The following CHCHD3 variants were observed in gnomAD, a reference collection of about 807,000 sequenced individuals.
The protein encoded by CHCHD3 is coiled-coil-helix-coiled-coil-helix domain containing 3.
CHCHD3 carries 20 observed loss-of-function variants against 38.2 expected under a neutral mutation model. The ratio of observed to expected loss-of-function variants is 0.52; its 90% CI spans 0.37 to 0.76. The LOEUF is 0.76. CHCHD3 is among the 30% of genes least tolerant of loss of function. CHCHD3 has a pLI of 0.00. For missense variants in CHCHD3, 245 were observed against 279.2 expected, an observed-to-expected ratio of 0.88 and a Z score of 0.87; for synonymous variants, 82 against 100.0, an observed-to-expected ratio of 0.82 and a Z score of 1.07.
intron 2 of CHCHD3, among the ~76,000 whole-genome samples, chr7:133,065,133 T>C (rs1011603561): frequency 3.0e-4 from 46 of 152,062 alleles, no homozygotes; most frequent in African/African-American, 1.1e-3. Context: ...AGCAAACCAA[T>C]ATAGTTGAGA....
intron 4 of CHCHD3, among the ~76,000 whole-genome samples, chr7:132,924,790 A>G (rs1449301075): frequency 6.6e-6 from 1 of 152,166 alleles, no homozygotes; most frequent in African/African-American, 2.4e-5. Context: ...GAAACACCAA[A>G]TTTCCAGCTC....
intron 4 of CHCHD3, among the ~76,000 whole-genome samples, chr7:132,955,472 G>A (rs187743981): frequency 1.2e-4 from 18 of 151,228 alleles, no homozygotes; most frequent in East Asian, 1.2e-3. Flanking sequence ...ACTAGACTAC[G>A]ATATCCAGAT....
intron 5 of CHCHD3, among the ~76,000 whole-genome samples, chr7:132,870,333 C>A (rs4728272): frequency 1.4e-5 from 2 of 145,432 alleles, no homozygotes; most frequent in African/African-American, 2.6e-5. Context: ...CTGGGTGACA[C>A]TGCGAGACCT....
intron 3 of CHCHD3, among the ~76,000 whole-genome samples, chr7:133,007,391 T>G (rs1038028045): frequency 6.6e-6 from 1 of 152,366 alleles, no homozygotes; most frequent in East Asian, 1.9e-4. Flanking sequence ...TTAGTTAAAC[T>G]GACTTCTAAG....
intron 3 of CHCHD3, among the ~76,000 whole-genome samples, chr7:132,996,513 G>T (rs949777062): frequency 3.3e-5 from 5 of 152,210 alleles, no homozygotes; most frequent in Non-Finnish European, 5.9e-5. Context: ...AATACTGTGT[G>T]TAAGATTATA....
chr7:133,041,190 C>T (rs960593703), intron 2 of CHCHD3, among the ~76,000 whole-genome samples: 2 of 152,102 alleles, frequency 1.3e-5, no homozygotes, highest in Admixed American at 1.3e-4. Context: ...GGGAATTATA[C>T]AAGTATCCAG....
chr7:132,837,569 G>A (rs971563873), intron 6 of CHCHD3, among the ~76,000 whole-genome samples: 2 of 152,230 alleles, frequency 1.3e-5, no homozygotes, highest in Admixed American at 1.3e-4. Context: ...CACACAAATT[G>A]TACTGTAGCA....
In CHCHD3 at chr7:132,955,383, C is replaced by T. The variant is rs141334953; in HGVS notation, c.369+19786G>A. On this transcript the variant is annotated intron_variant, in intron 4 of 7. Transcript: ENST00000262570. Reference sequence around the variant, plus strand: ...CTAGCTTTCTACATCATTTGCAATGCAGGGCAAAAAGTACTTGTTAGTTTT... The same window carrying T: ...CTAGCTTTCTACATCATTTGCAATGTAGGGCAAAAAGTACTTGTTAGTTTT... Among the ~76,000 whole-genome samples the T allele has an allele frequency of 5.6e-4, 85 of 152,162 alleles. 1 individual carries two copies. In the South Asian group the frequency reaches 7.5e-3, roughly 13 times the overall value.
intron 3 of CHCHD3, among the ~76,000 whole-genome samples, chr7:132,987,246 C>T (rs565015802): frequency 2.6e-5 from 4 of 152,152 alleles, no homozygotes; most frequent in South Asian, 4.2e-4. Flanking sequence ...GAAGAGAACC[C>T]GGACAGAGAG....
At chr7:132,910,577 C>T (rs1327460135) in intron 4 of CHCHD3, among the ~76,000 whole-genome samples, 1 of 152,196 alleles carries the variant, frequency 6.6e-6, no homozygotes, top group African/African-American at 2.4e-5. Context: ...TTCTATGTGT[C>T]ATTTTCTCCA....
chr7:132,984,938 G>A, intron 3 of CHCHD3, among the ~76,000 whole-genome samples: 1 of 86,244 alleles, frequency 1.2e-5, no homozygotes, highest in Non-Finnish European at 2.5e-5. Flanking sequence ...GCCCCGTCCG[G>A]GAGGTGAGGG....
intron 4 of CHCHD3, among the ~76,000 whole-genome samples, chr7:132,955,090 C>G (rs1182186277): frequency 6.6e-6 from 1 of 151,966 alleles, no homozygotes; most frequent in Non-Finnish European, 1.5e-5. Flanking sequence ...CCAGGGAAGT[C>G]ATAGGGTCCC....
At chr7:132,857,662 C>T (rs1482927447) in intron 5 of CHCHD3, among the ~76,000 whole-genome samples, 4 of 152,290 alleles carry the variant, frequency 2.6e-5, no homozygotes, top group East Asian at 1.9e-4. Context: ...CCTGCCTTGG[C>T]GTCCCAAAGT....
intron 3 of CHCHD3, among the ~76,000 whole-genome samples, chr7:133,000,257 G>T (rs1047530672): frequency 6.6e-6 from 1 of 152,030 alleles, no homozygotes; most frequent in Non-Finnish European, 1.5e-5. Flanking sequence ...AAAATCATTC[G>T]TGCTGAGCAC....
chr7:132,856,627 C>A (rs1283853449), intron 5 of CHCHD3, among the ~76,000 whole-genome samples: 2 of 152,182 alleles, frequency 1.3e-5, no homozygotes, highest in Non-Finnish European at 2.9e-5. Flanking sequence ...AATCCATCAG[C>A]AGCTGAATGT....
chr7:133,039,715 C>A (rs1010695140), intron 2 of CHCHD3, among the ~76,000 whole-genome samples: 1 of 152,200 alleles, frequency 6.6e-6, no homozygotes, highest in Non-Finnish European at 1.5e-5. Flanking sequence ...TACAAAGCAG[C>A]CCCATATCTA....
At chr7:132,919,559 C>T (rs1412320920) in intron 4 of CHCHD3, among the ~76,000 whole-genome samples, 1 of 152,164 alleles carries the variant, frequency 6.6e-6, no homozygotes, top group East Asian at 1.9e-4. Flanking sequence ...ATGTTTTCAA[C>T]ATCTGTAGTA....
At chr7:132,912,343 C>T (rs551874461) in intron 4 of CHCHD3, among the ~76,000 whole-genome samples, 7 of 152,364 alleles carry the variant, frequency 4.6e-5, no homozygotes, top group Admixed American at 3.9e-4. Flanking sequence ...TGATCTGAGA[C>T]ATCCTCCCTT....
At chr7:133,065,402 A>C (rs1341912646) in intron 2 of CHCHD3, among the ~76,000 whole-genome samples, 1 of 152,210 alleles carries the variant, frequency 6.6e-6, no homozygotes, top group Non-Finnish European at 1.5e-5. Context: ...ATGTATTCTC[A>C]AAACTATTTT....
Sources: gnomAD v4.1 joint callset for allele counts (sites outside exome capture counted in the v4.1 genomes callset) on GRCh38, gnomAD v4.1.1 for gene constraint, MANE v1.5 for transcripts, NCBI Gene and HGNC (gene_info 2026-07-23, HGNC 2026-07-21) for gene names.